The following SRRM4 variants were observed in gnomAD, a reference collection of about 807,000 sequenced individuals.
SRRM4 encodes serine/arginine repetitive matrix protein 4.
SRRM4 carries 33 observed loss-of-function variants against 68.9 expected under a neutral mutation model. The ratio of observed to expected loss-of-function variants is 0.48; its 90% confidence interval spans 0.36 to 0.64. The LOEUF (loss-of-function observed/expected upper bound fraction) is 0.64, where lower values mean the gene tolerates loss of function less well. Ranked by LOEUF, SRRM4 falls within the 30% of genes least tolerant of loss-of-function variation. The pLI is 0.00. For missense variants in SRRM4, 817 were observed against 827.1 expected, an observed-to-expected ratio of 0.99 and a Z score of 0.15; for synonymous variants, 318 against 318.8, an observed-to-expected ratio of 1.00 and a Z score of 0.03.
At chr12:119,141,565 C>T (rs1954365425) in intron 8 of SRRM4, among the ~76,000 whole-genome samples, 1 of 152,132 alleles carries the variant, frequency 6.6e-6, no homozygotes, top group Non-Finnish European at 1.5e-5. Context: ...GGCAGACACC[C>T]AGCTGGATCC....
chr12:119,023,032 C>T (rs1281449068), intron 1 of SRRM4, among the ~76,000 whole-genome samples: 3 of 152,162 alleles, frequency 2.0e-5, no homozygotes, highest in African/African-American at 4.8e-5. Context: ...AATTATACTC[C>T]GTACTTTTAC....
chr12:119,136,861 C>G (rs1445121583), intron 8 of SRRM4, among the ~76,000 whole-genome samples: 1 of 152,102 alleles, frequency 6.6e-6, no homozygotes, highest in Non-Finnish European at 1.5e-5. Context: ...GCCAGACCAC[C>G]TCTGCCTACC....
intron 7 of SRRM4, among the ~76,000 whole-genome samples, chr12:119,127,843 T>C (rs1954271247): frequency 6.6e-6 from 1 of 152,202 alleles, no homozygotes; most frequent in Non-Finnish European, 1.5e-5. Context: ...CTGCTCTGTG[T>C]CAGACACTGT....
chr12:119,075,264 A>C (rs796795985), intron 1 of SRRM4, among the ~76,000 whole-genome samples: 1 of 152,234 alleles, frequency 6.6e-6, no homozygotes, highest in Non-Finnish European at 1.5e-5. Context: ...GTTTCTTCTT[A>C]TTTAAAAAAA....
In SRRM4 at chr12:119,144,081, G is replaced by A. The variant is rs1282119112; in HGVS notation, c.772-1300G>A. The stretch of plus-strand genomic sequence containing the variant: ...CCTTCCCAAGTGCTGGCTTTCCATC[G>A]CCTCCTTTACTCCTTCATTGGTCCT... On this transcript the variant is annotated intron_variant, in intron 8 of 12. Transcript: ENST00000267260. 3.3e-5 allele frequency among the ~76,000 whole-genome samples: 5 copies of A among 152,040 alleles called. No homozygotes were observed. In the East Asian group the frequency reaches 7.8e-4, roughly 24 times the overall value.
chr12:119,031,731 C>T (rs1231283772), intron 1 of SRRM4, among the ~76,000 whole-genome samples: 1 of 151,878 alleles, frequency 6.6e-6, no homozygotes, highest in East Asian at 1.9e-4. Flanking sequence ...TTTTTATTTG[C>T]ATTTCTTTGA....
In SRRM4 at chr12:119,149,211, G is replaced by A. The variant is rs188994429; in HGVS notation, c.1077-1806G>A. Among the ~76,000 whole-genome samples, 51 of 152,326 alleles carry A rather than the reference G, an allele frequency of 3.3e-4. 2 individuals carry two copies. Among genetic ancestry groups the A allele is most frequent in the African/African-American group, 1.1e-3 (45 of 41,566 alleles). ...AAAAATGCAAAAACTAGCTGAGTGTGGTGGTGCGCACCTGCAGTCCCAGCC... is the reference window on the plus strand; with the variant it reads ...AAAAATGCAAAAACTAGCTGAGTGTAGTGGTGCGCACCTGCAGTCCCAGCC... On this transcript the variant is annotated intron_variant, in intron 9 of 12. Transcript: ENST00000267260.
At chr12:119,023,007 C>T (rs1269705441) in intron 1 of SRRM4, among the ~76,000 whole-genome samples, 1 of 152,192 alleles carries the variant, frequency 6.6e-6, no homozygotes, top group Non-Finnish European at 1.5e-5. Flanking sequence ...AAAGCCCTCT[C>T]TTGAAGCCCC....
At chr12:119,141,016 A>G (rs1954361817) in intron 8 of SRRM4, among the ~76,000 whole-genome samples, 1 of 152,190 alleles carries the variant, frequency 6.6e-6, no homozygotes, top group South Asian at 2.1e-4. Context: ...ATCTTGGTTC[A>G]CTGTAGCCTC....
chr12:119,053,648 G>A (rs147596257), intron 1 of SRRM4, among the ~76,000 whole-genome samples: 302 of 152,306 alleles, frequency 2.0e-3, no homozygotes, highest in African/African-American at 6.5e-3. Context: ...CCTGCTGTGC[G>A]TATTTTGTGA....
intron 1 of SRRM4, among the ~76,000 whole-genome samples, chr12:119,037,185 T>A (rs1953633576): frequency 6.6e-6 from 1 of 151,766 alleles, no homozygotes; most frequent in African/African-American, 2.4e-5. Context: ...GCTCAAATGG[T>A]GATGGGGGTT....
At chr12:119,071,751 G>A (rs1479888516) in intron 1 of SRRM4, among the ~76,000 whole-genome samples, 1 of 152,120 alleles carries the variant, frequency 6.6e-6, no homozygotes, top group African/African-American at 2.4e-5. Flanking sequence ...TGCACAGCAT[G>A]GCAGCTGTGA....
At chr12:119,064,698 G>T (rs537941385) in intron 1 of SRRM4, among the ~76,000 whole-genome samples, 1 of 152,238 alleles carries the variant, frequency 6.6e-6, no homozygotes, top group East Asian at 1.9e-4. Flanking sequence ...TAAACTGAGA[G>T]AAAATATATA....
intron 1 of SRRM4, among the ~76,000 whole-genome samples, chr12:119,056,807 TA>T (rs1555216133): frequency 2.0e-5 from 3 of 149,788 alleles, no homozygotes; most frequent in Admixed American, 2.0e-4. Context: ...TAATTACACA[TA>T]TTTTTTCCCA....
intron 1 of SRRM4, among the ~76,000 whole-genome samples, chr12:119,094,836 A>G (rs749169995): frequency 2.6e-5 from 4 of 152,206 alleles, no homozygotes; most frequent in Admixed American, 6.5e-5. Flanking sequence ...CAGGGCAGAA[A>G]CAATGTCTTG....
At chr12:119,137,840 G>A (rs149338477) in intron 8 of SRRM4, among the ~76,000 whole-genome samples, 212 of 152,166 alleles carry the variant, frequency 1.4e-3, no homozygotes, top group Non-Finnish European at 1.9e-3. Context: ...TAATGGATCC[G>A]GTCTCCTGGT....
intron 1 of SRRM4, among the ~76,000 whole-genome samples, chr12:119,019,913 T>C (rs888221459): frequency 2.0e-5 from 3 of 151,046 alleles, no homozygotes; most frequent in African/African-American, 7.3e-5. Context: ...CTTAGATGCT[T>C]TGAGAAGCTG....
At chr12:119,060,931 G>A (rs1201921551) in intron 1 of SRRM4, among the ~76,000 whole-genome samples, 1 of 152,174 alleles carries the variant, frequency 6.6e-6, no homozygotes, top group Non-Finnish European at 1.5e-5. Flanking sequence ...TTTGCTTTAA[G>A]AATGTAGCCC....
intron 1 of SRRM4, among the ~76,000 whole-genome samples, chr12:119,051,227 G>C (rs116170339): frequency 6.6e-6 from 1 of 152,208 alleles, no homozygotes; most frequent in South Asian, 2.1e-4. Flanking sequence ...AGAGCCCAAA[G>C]ATTTCTACCT....
Sources: allele counts gnomAD v4.1 joint callset (sites outside exome capture counted in the v4.1 genomes callset), GRCh38; gene constraint gnomAD v4.1.1; transcripts MANE v1.5; gene names NCBI Gene and HGNC (gene_info 2026-07-23, HGNC 2026-07-21).